PTP4A3: variants seen among roughly 807,000 people sequenced by gnomAD.
PTP4A3 encodes the protein protein tyrosine phosphatase 4A3, also known as protein tyrosine phosphatase type IVA 3.
Under a neutral mutation model 15.2 loss-of-function variants are expected in PTP4A3, and 9 were observed. The ratio of observed to expected loss-of-function variants is 0.59; its 90% confidence interval spans 0.36 to 1.03. The LOEUF (loss-of-function observed/expected upper bound fraction) is 1.03. Ranked by LOEUF, PTP4A3 falls within the 50% of genes least tolerant of loss-of-function variation. PTP4A3 has a pLI of 0.02. For missense variants in PTP4A3, 234 were observed against 252.1 expected (o/e 0.93, Z 0.49); for synonymous variants, 95 against 102.0 (o/e 0.93, Z 0.41).
intron 1 of PTP4A3, among the ~76,000 whole-genome samples, chr8:141,411,930 T>C (rs1832881455): frequency 6.6e-6 from 1 of 152,216 alleles, no homozygotes; most frequent in African/African-American, 2.4e-5. Flanking sequence ...GAGCTCTCGC[T>C]GACTGCACAG....
chr8:141,405,972 T>G (rs1832711229), intron 1 of PTP4A3, among the ~76,000 whole-genome samples: 2 of 146,246 alleles, frequency 1.4e-5, no homozygotes, highest in Non-Finnish European at 3.0e-5. Flanking sequence ...GAGAGGGGAG[T>G]GGTAGGAGGT....
Position 141,396,085 on chromosome 8 carries a change from A to G in PTP4A3, c.-854+4001A>G, listed in dbSNP as rs369466010. 2.0e-4 allele frequency among the ~76,000 whole-genome samples: 31 copies of G among 152,142 alleles called. No individual in the cohort carries two copies. The East Asian group carries it at 5.0e-3, about 25-fold the overall frequency. On this transcript the variant is annotated intron_variant, in intron 1 of 5. Transcript: ENST00000521578. ...AACCCCCACCCCTGCCGTGACTGTA[A>G]CCCCGTGCCATGTGAAGGTGGGGCT... is the stretch of plus-strand genomic sequence containing the variant.
In PTP4A3 at chr8:141,406,241, C is replaced by T. The variant is rs1037958345; in HGVS notation, c.-854+14157C>T. ...GTGTCACCATTTCACTTGTCGGCCA[C>T]CCACGGCTGCTTCCTGCCCCATCTG... is the stretch of plus-strand genomic sequence containing the variant. On this transcript the variant is annotated intron_variant, in intron 1 of 5. Coordinates refer to ENST00000521578, the MANE Select transcript of PTP4A3 (RefSeq NM_032611.3). The surrounding 1 kb of genome is among the most constrained non-coding windows in gnomAD (Gnocchi z 4.5). Among the ~76,000 whole-genome samples the T allele has an allele frequency of 2.0e-5, 3 of 152,130 alleles. No individual in the cohort carries two copies. The highest frequency in any genetic ancestry group is 4.8e-5 in the African/African-American group (2 of 41,430).
At position 141,406,883 on chromosome 8, in the gene PTP4A3, A is replaced by C. The variant is rs751092052; in HGVS notation, c.-853-14505A>C. The stretch of plus-strand genomic sequence containing the variant: ...TTTGCCCTGTGCCCACTGTATGTGC[A>C]AGGTCATGCAGGTTATGCTTTGAAC... On this transcript the variant is annotated intron_variant, in intron 1 of 5. Coordinates refer to ENST00000521578, the MANE Select transcript of PTP4A3 (RefSeq NM_032611.3). This position sits in a 1 kb window ranked among gnomAD's most constrained non-coding sequence, Gnocchi z 4.5. 2.6e-5 allele frequency among the ~76,000 whole-genome samples: 4 copies of C among 152,336 alleles called. No homozygotes were observed. The highest frequency in any genetic ancestry group is 3.4e-3 in the Middle Eastern group (1 of 294).
rs1256968890 is a variant in PTP4A3, at chr8:141,406,500, TCTGGCC to T, written c.-854+14419_-854+14424del. Among the ~76,000 whole-genome samples, 1 of 152,072 alleles carries T rather than the reference TCTGGCC, an allele frequency of 6.6e-6. No homozygotes were observed. Among genetic ancestry groups the T allele is most frequent in the African/African-American group, 2.4e-5 (1 of 41,394 alleles). On this transcript the variant is annotated intron_variant, in intron 1 of 5. Transcript: ENST00000521578. This position sits in a 1 kb window ranked among gnomAD's most constrained non-coding sequence, Gnocchi z 4.5. ...CCCTGGGAAGTCCTGCCCTCCTGCC[TCTGGCC>T]CTTGCTCAAGCCGCGCCCCCATCTG... is the stretch of plus-strand genomic sequence containing the variant.
chr8:141,423,347 G>C (rs372398009), intron 2 of PTP4A3, among the ~76,000 whole-genome samples: 1 of 152,210 alleles, frequency 6.6e-6, no homozygotes, highest in African/African-American at 2.4e-5. Context: ...AGAACAGCAC[G>C]GTGAGTGGCC....
At chr8:141,430,176 G>C (rs1421290743) in intron 5 of PTP4A3, among the ~76,000 whole-genome samples, 3 of 147,044 alleles carry the variant, frequency 2.0e-5, no homozygotes, top group African/African-American at 5.1e-5. Flanking sequence ...ACACAGTCCG[G>C]GTCCCCGCTG....
intron 1 of PTP4A3, among the ~76,000 whole-genome samples, chr8:141,395,660 A>G (rs1200766334): frequency 1.4e-5 from 2 of 138,366 alleles, no homozygotes; most frequent in African/African-American, 5.8e-5. Context: ...GCCCCCGTTC[A>G]TCTACCTGGG....
chr8:141,403,899 A>G lies in PTP4A3; in HGVS notation c.-854+11815A>G, dbSNP rs181018241. Among the ~76,000 whole-genome samples the G allele has an allele frequency of 1.6e-3, 237 of 152,360 alleles. 1 individual carries two copies. Among genetic ancestry groups the G allele is most frequent in the African/African-American group, 5.5e-3 (229 of 41,584 alleles). On this transcript the variant is annotated intron_variant, in intron 1 of 5. Transcript: ENST00000521578. ...CTATTTGACGAATTTTTATTTTGCA[A>G]TAATTTTTATTCATTTATTCATTCA...
intron 3 of PTP4A3, 34 bp from the exon 4 acceptor site, chr8:141,426,905 A>G (rs777573953): frequency 1.2e-6 from 2 of 1,601,792 alleles, no homozygotes; most frequent in African/African-American, 2.7e-5. Flanking sequence ...ACCCTCCCTC[A>G]GCCGGGGGTC....
intron 1 of PTP4A3, among the ~76,000 whole-genome samples, chr8:141,404,870 G>A (rs73713621): frequency 0.012 from 1,799 of 152,278 alleles, 39 homozygotes; most frequent in African/African-American, 0.041. Flanking sequence ...ACATATAAAG[G>A]GCATGGAGCA....
At chr8:141,399,558 C>A (rs1832534519) in intron 1 of PTP4A3, among the ~76,000 whole-genome samples, 1 of 152,270 alleles carries the variant, frequency 6.6e-6, no homozygotes. Flanking sequence ...CCTTTCTGGG[C>A]CTCCGTTTTT....
intron 2 of PTP4A3, among the ~76,000 whole-genome samples, chr8:141,424,203 G>C (rs1833460023): frequency 6.6e-6 from 1 of 152,148 alleles, no homozygotes; most frequent in Non-Finnish European, 1.5e-5. Context: ...CCCGTGACCA[G>C]CAAGACCCAT....
chr8:141,417,114 A>G (rs1833086743), intron 1 of PTP4A3, among the ~76,000 whole-genome samples: 1 of 152,164 alleles, frequency 6.6e-6, no homozygotes, highest in South Asian at 2.1e-4. Context: ...AGGCAGAGCC[A>G]GGAGTCGCAG....
chr8:141,426,325 A>C (rs995923330), intron 3 of PTP4A3: 1 of 617,488 alleles, frequency 1.6e-6, no homozygotes, highest in African/African-American at 2.0e-5. Flanking sequence ...GCGCTGGGGG[A>C]CGGGACAGTG....
intron 1 of PTP4A3, among the ~76,000 whole-genome samples, chr8:141,397,389 C>T (rs1832478602): frequency 6.6e-6 from 1 of 151,960 alleles, no homozygotes; most frequent in South Asian, 2.1e-4. Context: ...GAAACTTCTG[C>T]CTGTAAGGCC....
chr8:141,394,501 G>C (rs1177016844), intron 1 of PTP4A3, among the ~76,000 whole-genome samples: 1 of 152,148 alleles, frequency 6.6e-6, no homozygotes, highest in Non-Finnish European at 1.5e-5. Flanking sequence ...ACCCCTCCCT[G>C]CCTGCAGTGG....
At chr8:141,404,284 G>A (rs1832671935) in intron 1 of PTP4A3, among the ~76,000 whole-genome samples, 1 of 152,274 alleles carries the variant, frequency 6.6e-6, no homozygotes, top group African/African-American at 2.4e-5. Context: ...CTTGACGGAT[G>A]GTGCAGGACA....
chr8:141,414,159 A>G (rs1411846110), intron 1 of PTP4A3, among the ~76,000 whole-genome samples: 2 of 152,172 alleles, frequency 1.3e-5, no homozygotes, highest in African/African-American at 4.8e-5. Context: ...CGGTTTCCAC[A>G]CTGGCTTCTC....
Sources: gnomAD v4.1 joint callset for allele counts (sites outside exome capture counted in the v4.1 genomes callset) on GRCh38, gnomAD v4.1.1 for gene constraint, Gnocchi (gnomAD v3.1) non-coding constraint, MANE v1.5 for transcripts, NCBI Gene and HGNC (gene_info 2026-07-23, HGNC 2026-07-21) for gene names.